GNA12: variants seen among roughly 807,000 people sequenced by gnomAD.
The protein encoded by GNA12 is guanine nucleotide-binding protein subunit alpha-12.
Under a neutral mutation model 26.0 loss-of-function variants are expected in GNA12, and 9 were observed. The ratio of observed to expected loss-of-function variants is 0.35; its 90% confidence interval spans 0.21 to 0.60. The LOEUF (loss-of-function observed/expected upper bound fraction) is 0.60. Ranked by LOEUF, GNA12 falls within the 20% of genes least tolerant of loss-of-function variation. The pLI is 0.78. For missense variants in GNA12, 405 were observed against 525.8 expected (o/e 0.77, Z 2.25); for synonymous variants, 264 against 219.6 (o/e 1.20, Z -1.79).
At chr7:2,781,854 C>T (rs954851710) in intron 2 of GNA12, among the ~76,000 whole-genome samples, 2 of 152,140 alleles carry the variant, frequency 1.3e-5, no homozygotes, top group African/African-American at 4.8e-5. Flanking sequence ...CAAATCAAAA[C>T]CACAATGAGG....
At chr7:2,802,736 TAAAAGAA>T (rs1792842910) in intron 1 of GNA12, among the ~76,000 whole-genome samples, 1 of 152,182 alleles carries the variant, frequency 6.6e-6, no homozygotes, top group African/African-American at 2.4e-5. Flanking sequence ...ACCATCCAAA[TAAAAGAA>T]ACGCTGCCAG....
intron 2 of GNA12, among the ~76,000 whole-genome samples, chr7:2,780,915 A>G (rs1318904562): frequency 6.6e-6 from 1 of 152,242 alleles, no homozygotes; most frequent in Non-Finnish European, 1.5e-5. Context: ...AACTTTAGTA[A>G]ATCATACCCA....
chr7:2,824,050 ACCCATGT>A lies in GNA12; in HGVS notation c.309+19796_309+19802del, dbSNP rs1793426272. On this transcript the variant is annotated intron_variant, in intron 1 of 3. Transcript: ENST00000275364. The stretch of plus-strand genomic sequence containing the variant: ...CTCCTTTTCCAGTTGAACAGATCAC[ACCCATGT>A]CTGCCTGTCTCAAAAATGGTATTTT... Among the ~76,000 whole-genome samples, 7 of 152,292 alleles carry A rather than the reference ACCCATGT, an allele frequency of 4.6e-5. No homozygotes were observed. The South Asian group carries it at 1.4e-3, about 32-fold the overall frequency.
chr7:2,732,602 T>C (rs1174305998), intron 3 of GNA12, among the ~76,000 whole-genome samples: 1 of 151,980 alleles, frequency 6.6e-6, no homozygotes, highest in Admixed American at 6.6e-5. Context: ...CCGTGATGAG[T>C]GCACACACCA....
At chr7:2,808,562 G>A (rs1229867618) in intron 1 of GNA12, among the ~76,000 whole-genome samples, 1 of 152,188 alleles carries the variant, frequency 6.6e-6, no homozygotes, top group African/African-American at 2.4e-5. Flanking sequence ...CCACAGAGCA[G>A]CAGCGGCCTG....
chr7:2,736,739 C>A (rs76531090), intron 2 of GNA12, among the ~76,000 whole-genome samples: 1,621 of 152,366 alleles, frequency 0.011, 12 homozygotes, highest in Non-Finnish European at 0.016. Flanking sequence ...GAGAAAGACA[C>A]ACGCTCGGCT....
At chr7:2,801,313 C>G (rs1343744073) in intron 1 of GNA12, among the ~76,000 whole-genome samples, 1 of 152,184 alleles carries the variant, frequency 6.6e-6, no homozygotes, top group Non-Finnish European at 1.5e-5. Context: ...GAAGTTAAAT[C>G]AATAACCCCT....
intron 1 of GNA12, among the ~76,000 whole-genome samples, chr7:2,821,445 G>C (rs1418750338): frequency 6.6e-6 from 1 of 152,196 alleles, no homozygotes; most frequent in African/African-American, 2.4e-5. Flanking sequence ...GCCAGGTGTT[G>C]GCACTTACAG....
At chr7:2,742,687 A>G (rs546396406) in intron 2 of GNA12, among the ~76,000 whole-genome samples, 3 of 152,318 alleles carry the variant, frequency 2.0e-5, no homozygotes, top group African/African-American at 7.2e-5. Flanking sequence ...TTTGATTTTG[A>G]ATGAGGCCTT....
chr7:2,824,336 C>A (rs540908908), intron 1 of GNA12, among the ~76,000 whole-genome samples: 3 of 152,294 alleles, frequency 2.0e-5, no homozygotes, highest in African/African-American at 4.8e-5. Flanking sequence ...GTGGCCTGCA[C>A]CCGCCTCTGC....
chr7:2,781,890 A>G (rs1372114177), intron 2 of GNA12, among the ~76,000 whole-genome samples: 1 of 152,220 alleles, frequency 6.6e-6, no homozygotes, highest in Non-Finnish European at 1.5e-5. Context: ...TCAAAGACTC[A>G]CAGTTCCCAC....
chr7:2,791,235 A>G (rs1792510249), intron 2 of GNA12, among the ~76,000 whole-genome samples: 1 of 152,238 alleles, frequency 6.6e-6, no homozygotes, highest in Non-Finnish European at 1.5e-5. Flanking sequence ...GTGTTTTGGA[A>G]GATAAGGTCT....
intron 2 of GNA12, among the ~76,000 whole-genome samples, chr7:2,786,764 G>A (rs1272411020): frequency 2.0e-5 from 3 of 152,178 alleles, no homozygotes; most frequent in Non-Finnish European, 4.4e-5. Context: ...CCCTGGGGCA[G>A]GTGTCTCTGA....
chr7:2,762,928 C>G, intron 2 of GNA12: 1 of 1,399,818 alleles, frequency 7.1e-7, no homozygotes, highest in South Asian at 1.7e-5. Context: ...GGCGGGGACG[C>G]CCCAGACACT....
chr7:2,739,177 G>T (rs1562396420), intron 2 of GNA12, among the ~76,000 whole-genome samples: 1 of 152,234 alleles, frequency 6.6e-6, no homozygotes. Flanking sequence ...CATTAGGTAA[G>T]ATCTACATAA....
chr7:2,754,090 G>T (rs897866163), intron 2 of GNA12, among the ~76,000 whole-genome samples: 3 of 152,144 alleles, frequency 2.0e-5, no homozygotes, highest in East Asian at 3.8e-4. Context: ...CCCCACCAGT[G>T]ATGAATGAGA....
intron 3 of GNA12, among the ~76,000 whole-genome samples, chr7:2,732,025 T>G (rs912924035): frequency 3.3e-5 from 5 of 152,222 alleles, no homozygotes; most frequent in Non-Finnish European, 5.9e-5. Flanking sequence ...CACATCCATT[T>G]TCTTCTCCAG....
At chr7:2,740,019 T>C (rs1790418715) in intron 2 of GNA12, among the ~76,000 whole-genome samples, 1 of 152,144 alleles carries the variant, frequency 6.6e-6, no homozygotes, top group Non-Finnish European at 1.5e-5. Context: ...CACCAAGCTG[T>C]TCTCCACGGC....
rs1789903131 is a variant in GNA12, at chr7:2,731,637, G to T, written c.690C>A (p.Gly230=). The part of the protein sequence containing the change: ...KIPFKMVDVG[G]QRSQRQKWFQ... ...ACCACTTCTGGCGCTGGGACCGCTG[G>T]CCGCCCACATCCACCATCTTAAAGG... Residue 230 remains glycine, a synonymous_variant, in exon 4 of 4, where the codon GGC becomes GGA. Transcript: ENST00000275364. This position sits in a 1 kb window ranked among gnomAD's most constrained non-coding sequence, Gnocchi z 6.0. 1 of 1,613,766 alleles carries T rather than the reference G, an allele frequency of 6.2e-7. No individual in the cohort carries two copies. The highest frequency in any genetic ancestry group is 1.7e-5 in the Admixed American group (1 of 59,984).
Sources: gnomAD v4.1 joint callset for allele counts (sites outside exome capture counted in the v4.1 genomes callset) on GRCh38, gnomAD v4.1.1 for gene constraint, Gnocchi (gnomAD v3.1) non-coding constraint, MANE v1.5 for transcripts, NCBI Gene and HGNC (gene_info 2026-07-23, HGNC 2026-07-21) for gene names.